RC3H1: variants seen among roughly 807,000 people sequenced by gnomAD.
RC3H1 encodes ring finger and CCCH-type domains 1.
RC3H1 carries 50 observed loss-of-function variants against 138.2 expected under a neutral mutation model. The observed-to-expected ratio is 0.36, with a 90% CI of 0.29 to 0.46. RC3H1 has a LOEUF of 0.46. RC3H1 is among the 20% of genes least tolerant of loss of function. The pLI, the probability that RC3H1 is intolerant of heterozygous loss-of-function variation, is 1.00. For synonymous variants in RC3H1, 462 were observed against 489.1 expected, an observed-to-expected ratio of 0.94 and a Z score of 0.73; for missense variants, 1,031 against 1,388.1, an observed-to-expected ratio of 0.74 and a Z score of 4.09.
Position 173,993,105 on chromosome 1 carries a change from G to T in RC3H1, c.-120C>A. 1 of 692,628 alleles carries T rather than the reference G, an allele frequency of 1.4e-6. No individual in the cohort carries two copies. The highest frequency in any genetic ancestry group is 2.4e-6 in the Non-Finnish European group (1 of 409,360). The allele number at this position is 692,628 out of a possible 1,614,324, so 42.9% of individuals were successfully genotyped here. ...TTTTTTTTTTTAAATATCTTCTGTA[G>T]ATACAGTCAGCACATAGTGTGAAAT... is the stretch of plus-strand genomic sequence containing the variant. On this transcript the variant is annotated 5_prime_UTR_variant, in exon 2 of 20. Transcript: ENST00000367696.
At chr1:173,980,742 C>T (rs1310188407) in intron 6 of RC3H1, 67 bp downstream of exon 6, 1 of 1,203,206 alleles carries the variant, frequency 8.3e-7, no homozygotes, top group Middle Eastern at 1.9e-4. Context: ...CTTTAATATA[C>T]ATTTGTTAAA....
intron 2 of RC3H1, among the ~76,000 whole-genome samples, chr1:173,990,105 A>G (rs541485713): frequency 9.2e-4 from 137 of 149,204 alleles, no homozygotes; most frequent in African/African-American, 3.2e-3. Context: ...TTTTTGACAG[A>G]GTCGCTCTGT....
chr1:174,006,803 T>C (rs1287519162), intron 1 of RC3H1, among the ~76,000 whole-genome samples: 1 of 152,188 alleles, frequency 6.6e-6, no homozygotes, highest in East Asian at 1.9e-4. Context: ...CTTGAAGATT[T>C]TATTAAAATA....
At chr1:173,953,343 G>A (rs1659498579) in intron 13 of RC3H1, among the ~76,000 whole-genome samples, 1 of 152,060 alleles carries the variant, frequency 6.6e-6, no homozygotes. Context: ...CATGATCTCT[G>A]CTCACGCAAC....
chr1:173,957,590 C>T (rs189185724), intron 13 of RC3H1, among the ~76,000 whole-genome samples: 132 of 152,090 alleles, frequency 8.7e-4, no homozygotes, highest in African/African-American at 2.8e-3. Context: ...GTCTTTGTTA[C>T]CCAGGCTGGA....
In RC3H1 at chr1:173,938,681, C is replaced by T; in HGVS notation, c.*40G>A. Reference sequence around the variant, plus strand: ...TTCTCCTACCCCTATGCCCGACAAACTGATTAGGAGCAGAAGATAAAAGTA... The same window carrying T: ...TTCTCCTACCCCTATGCCCGACAAATTGATTAGGAGCAGAAGATAAAAGTA... On this transcript the variant is annotated 3_prime_UTR_variant, in exon 20 of 20. Coordinates refer to ENST00000367696, the MANE Select transcript of RC3H1 (RefSeq NM_172071.4). 1 of 1,504,522 alleles carries T rather than the reference C, an allele frequency of 6.6e-7. No individual in the cohort carries two copies. The highest frequency in any genetic ancestry group is 9.0e-7 in the Non-Finnish European group (1 of 1,111,016). The allele number at this position is 1,504,522 out of a possible 1,614,324, so 93.2% of individuals were successfully genotyped here.
chr1:174,017,786 A>C (rs1661887894), intron 1 of RC3H1, among the ~76,000 whole-genome samples: 1 of 97,354 alleles, frequency 1.0e-5, no homozygotes, highest in African/African-American at 3.8e-5. Flanking sequence ...TCTTGCTCAA[A>C]AAAAAAAAAA....
chr1:173,955,879 G>C (rs1659621970), intron 13 of RC3H1, among the ~76,000 whole-genome samples: 1 of 151,902 alleles, frequency 6.6e-6, no homozygotes, highest in Non-Finnish European at 1.5e-5. Context: ...GCCTATAATC[G>C]CAACACTTTG....
At chr1:173,960,958 A>G (rs1294673703) in intron 13 of RC3H1, 119 bp downstream of exon 13, 2 of 944,728 alleles carry the variant, frequency 2.1e-6, no homozygotes, top group Non-Finnish European at 3.2e-6. Flanking sequence ...AATGATAAAA[A>G]ACCTTTCAGA....
intron 1 of RC3H1, among the ~76,000 whole-genome samples, chr1:174,019,146 T>C (rs73027423): frequency 4.6e-4 from 70 of 152,328 alleles, no homozygotes; most frequent in African/African-American, 1.5e-3. Flanking sequence ...GATAAATCTG[T>C]CCTATGTAAA....
chr1:173,979,108 C>T (rs1250848401), intron 6 of RC3H1, among the ~76,000 whole-genome samples: 2 of 152,110 alleles, frequency 1.3e-5, no homozygotes, highest in Non-Finnish European at 2.9e-5. Flanking sequence ...GCTTAATGGC[C>T]GTGTGTGACT....
In RC3H1 at chr1:173,941,317, G is replaced by C. The variant is rs376399576; in HGVS notation, c.3199C>G (p.Gln1067Glu). 4.7e-4 allele frequency: 754 copies of C among 1,613,810 alleles called. 10 individuals are homozygous for C. In the South Asian group the frequency reaches 7.9e-3, roughly 17 times the overall value. Residue 1067 changes from glutamine to glutamate, a missense_variant, in exon 19 of 20, where the codon CAA becomes GAA. Transcript: ENST00000367696. ...LNTSKQAENG[Q>E]PEPQNKVPAE... ...GGAACCTTGTTTTGTGGTTCTGGTT[G>C]TCCATTTTCTGCTTGTTTACTTGTA... is the stretch of plus-strand genomic sequence containing the variant.
At chr1:174,007,128 G>A (rs957447862) in intron 1 of RC3H1, among the ~76,000 whole-genome samples, 139 of 152,220 alleles carry the variant, frequency 9.1e-4, no homozygotes, top group African/African-American at 3.2e-3. Context: ...AGTGGCTCAC[G>A]CCTGTAATCC....
chr1:173,994,105 T>C lies in RC3H1; in HGVS notation c.-150-970A>G, dbSNP rs577482085. On this transcript the variant is annotated intron_variant, in intron 1 of 19. Transcript: ENST00000367696. ...TTACTGAACAAGACATAAATAACTT[T>C]TGACAGCCAGGCGCGGTGTCTCAGG... Among the ~76,000 whole-genome samples the C allele has an allele frequency of 4.0e-5, 6 of 150,496 alleles. No individual in the cohort carries two copies. The East Asian group carries it at 7.9e-4, about 20-fold the overall frequency.
In RC3H1 at chr1:173,936,747, ATATATATATATATATTTT is replaced by A. The variant is rs1401033022; in HGVS notation, c.*1956_*1973del. On this transcript the variant is annotated 3_prime_UTR_variant, in exon 20 of 20. Transcript: ENST00000367696. ...AAAGCATACATATATATATATATAT[ATATATATATATATATTTT>A]TTTTTTTTTTTTTAAAAAAAGAAGA... is the stretch of plus-strand genomic sequence containing the variant. 0.049 allele frequency: 2,806 copies of A among 57,778 alleles called. 160 individuals are homozygous for A. Among genetic ancestry groups the A allele is most frequent in the African/African-American group, 0.19 (2,619 of 13,708 alleles). The allele number at this position is 57,778 out of a possible 1,614,324, so 3.6% of individuals were successfully genotyped here.
At chr1:174,012,182 G>A (rs1346228136) in intron 1 of RC3H1, among the ~76,000 whole-genome samples, 1 of 151,634 alleles carries the variant, frequency 6.6e-6, no homozygotes, top group East Asian at 1.9e-4. Flanking sequence ...AGTGAGCCCT[G>A]ATCCCTCTAC....
Position 173,947,386 on chromosome 1 carries a change from T to G in RC3H1, c.2720A>C (p.Lys907Thr), listed in dbSNP as rs576118726. The G allele has an allele frequency of 1.2e-5, 20 of 1,613,416 alleles. No homozygotes were observed. In the African/African-American group the frequency reaches 2.7e-4, roughly 22 times the overall value. The change falls in exon 15 of 20, where the codon AAA (lysine) becomes ACA (threonine). Residue 907 changes from lysine to threonine, a missense_variant. Coordinates refer to ENST00000367696, the MANE Select transcript of RC3H1 (RefSeq NM_172071.4). ...ATTCTTACCTGAAATGTTAATAGATTTTGTAGGAGCTCCCTGAGGTGCCAT... is the reference window on the plus strand; with the variant it reads ...ATTCTTACCTGAAATGTTAATAGATGTTGTAGGAGCTCCCTGAGGTGCCAT... ...QAMAPQGAPT[K>T]SINISDYSPY...
chr1:174,019,539 T>C (rs1234854696), intron 1 of RC3H1, among the ~76,000 whole-genome samples: 1 of 152,224 alleles, frequency 6.6e-6, no homozygotes, highest in Admixed American at 6.5e-5. Flanking sequence ...GAAGCTTAAA[T>C]ATTTTTATTC....
At chr1:173,941,487 T>C in intron 18 of RC3H1, 107 bp from the exon 19 acceptor site, 3 of 682,456 alleles carry the variant, frequency 4.4e-6, no homozygotes, top group Non-Finnish European at 7.6e-6. Context: ...TCATATTCAA[T>C]TTTGTAAAAT....
Sources: gnomAD v4.1 joint callset for allele counts (sites outside exome capture counted in the v4.1 genomes callset) on GRCh38, gnomAD v4.1.1 for gene constraint, MANE v1.5 for transcripts, NCBI Gene and HGNC (gene_info 2026-07-23, HGNC 2026-07-21) for gene names.